Variants in FOXN3 observed in about 807,000 individuals in gnomAD.
FOXN3 encodes the protein forkhead box N3.
In FOXN3, 7 loss-of-function variants were observed where a neutral mutation model predicts 38.4. The observed-to-expected ratio is 0.18, with a 90% confidence interval of 0.10 to 0.34. The LOEUF is 0.34. Among genes scored for constraint, FOXN3 ranks in the 10% least tolerant of loss-of-function variants. The probability of loss-of-function intolerance (pLI) is 1.00; values close to 1 mark genes in which losing one functional copy is unlikely to be tolerated. For synonymous variants in FOXN3, 230 were observed against 242.2 expected, an observed-to-expected ratio of 0.95 and a Z score of 0.47; for missense variants, 456 against 613.4, an observed-to-expected ratio of 0.74 and a Z score of 2.71.
chr14:89,327,153 T>C (rs182196813), intron 3 of FOXN3, among the ~76,000 whole-genome samples: 15 of 152,248 alleles, frequency 9.9e-5, no homozygotes, highest in African/African-American at 4.8e-5. Flanking sequence ...GGGAAACTTA[T>C]TATGACATGC....
intron 1 of FOXN3, among the ~76,000 whole-genome samples, chr14:89,617,992 G>A (rs751814123): frequency 1.3e-5 from 2 of 152,194 alleles, no homozygotes; most frequent in Non-Finnish European, 2.9e-5. Context: ...CCAAGGCAGA[G>A]TCGGCGATCA....
chr14:89,570,466 A>T (rs1895468467), intron 1 of FOXN3, among the ~76,000 whole-genome samples: 1 of 152,064 alleles, frequency 6.6e-6, no homozygotes, highest in African/African-American at 2.4e-5. Context: ...AGCAAACCTC[A>T]TGATGCATTA....
chr14:89,389,499 T>C (rs1170619430), intron 2 of FOXN3, among the ~76,000 whole-genome samples: 1 of 152,186 alleles, frequency 6.6e-6, no homozygotes, highest in Non-Finnish European at 1.5e-5. Flanking sequence ...AATTGATGTG[T>C]TTAGGAGAAT....
intron 3 of FOXN3, among the ~76,000 whole-genome samples, chr14:89,286,530 C>T (rs771506628): frequency 1.4e-4 from 21 of 152,196 alleles, no homozygotes; most frequent in Non-Finnish European, 1.5e-4. Flanking sequence ...ACTGTGATGG[C>T]AATCCCTTCG....
intron 2 of FOXN3, among the ~76,000 whole-genome samples, chr14:89,363,986 ATAATAT>A (rs1165195372): frequency 1.9e-4 from 13 of 67,360 alleles, no homozygotes; most frequent in Admixed American, 1.0e-3. Flanking sequence ...ATATATATAT[ATAATAT>A]ATATATATAT....
intron 4 of FOXN3, among the ~76,000 whole-genome samples, chr14:89,252,648 C>T (rs1885493374): frequency 7.7e-6 from 1 of 129,570 alleles, no homozygotes; most frequent in Non-Finnish European, 1.6e-5. Flanking sequence ...GAGGGAAACT[C>T]TATCTCAAAA....
At chr14:89,304,591 C>T (rs916714449) in intron 3 of FOXN3, among the ~76,000 whole-genome samples, 1 of 151,994 alleles carries the variant, frequency 6.6e-6, no homozygotes, top group Non-Finnish European at 1.5e-5. Context: ...ACATCTTGGC[C>T]ATTCATTTGA....
At chr14:89,616,905 G>A (rs1278747981) in intron 1 of FOXN3, among the ~76,000 whole-genome samples, 1 of 152,168 alleles carries the variant, frequency 6.6e-6, no homozygotes, top group African/African-American at 2.4e-5. Context: ...GGTTGTTGTT[G>A]TAAAATGACC....
At chr14:89,189,072 C>T (rs1596089506) in intron 4 of FOXN3, among the ~76,000 whole-genome samples, 1 of 152,108 alleles carries the variant, frequency 6.6e-6, no homozygotes, top group South Asian at 2.1e-4. Flanking sequence ...GTAATGGCAG[C>T]TCCAGGCAGA....
At chr14:89,452,339 T>C (rs1367060174) in intron 1 of FOXN3, among the ~76,000 whole-genome samples, 3 of 152,086 alleles carry the variant, frequency 2.0e-5, no homozygotes, top group Admixed American at 6.5e-5. Context: ...GGTGCCTGAG[T>C]GGAGCTGCTG....
intron 1 of FOXN3, among the ~76,000 whole-genome samples, chr14:89,506,127 C>G (rs1476542733): frequency 7.6e-6 from 1 of 132,138 alleles, no homozygotes; most frequent in Non-Finnish European, 1.7e-5. Context: ...AGGGGCGCCT[C>G]TGCCCGGCCG....
At chr14:89,198,648 TC>T (rs1272646460) in intron 4 of FOXN3, among the ~76,000 whole-genome samples, 3 of 152,206 alleles carry the variant, frequency 2.0e-5, no homozygotes, top group African/African-American at 2.4e-5. Flanking sequence ...TTTTTGATTG[TC>T]ATGACTGGGT....
chr14:89,208,514 T>A (rs1387662540), intron 4 of FOXN3, among the ~76,000 whole-genome samples: 1 of 152,230 alleles, frequency 6.6e-6, no homozygotes, highest in Non-Finnish European at 1.5e-5. Flanking sequence ...TTTCTGATCA[T>A]TTTTCCACTT....
chr14:89,187,536 T>C (rs1887839131), intron 4 of FOXN3, among the ~76,000 whole-genome samples: 1 of 152,210 alleles, frequency 6.6e-6, no homozygotes, highest in Admixed American at 6.5e-5. Flanking sequence ...TCTCACTTTT[T>C]CCAGGCCTTG....
At chr14:89,451,802 A>T (rs939408941) in intron 1 of FOXN3, among the ~76,000 whole-genome samples, 2 of 152,148 alleles carry the variant, frequency 1.3e-5, no homozygotes, top group African/African-American at 2.4e-5. Flanking sequence ...CCATTTTAAA[A>T]GCTTTTAGAA....
intron 1 of FOXN3, among the ~76,000 whole-genome samples, chr14:89,436,132 C>T (rs527728797): frequency 1.1e-4 from 16 of 151,770 alleles, no homozygotes; most frequent in Admixed American, 5.9e-4. Flanking sequence ...TGTGCCACCG[C>T]GCCCGGCCTG....
At chr14:89,185,265 C>T (rs184300401) in intron 4 of FOXN3, among the ~76,000 whole-genome samples, 182 of 152,338 alleles carry the variant, frequency 1.2e-3, no homozygotes, top group African/African-American at 4.0e-3. Context: ...AACTATACCC[C>T]TGTCTTTCTC....
chr14:89,604,116 A>C (rs1254021679), intron 1 of FOXN3, among the ~76,000 whole-genome samples: 2 of 152,220 alleles, frequency 1.3e-5, no homozygotes, highest in African/African-American at 4.8e-5. Flanking sequence ...TGACAAAAAC[A>C]AATGCAAATT....
At position 89,270,199 on chromosome 14, in the gene FOXN3, A is replaced by G. The variant is rs77738812; in HGVS notation, c.745+10751T>C. On this transcript the variant is annotated intron_variant, in intron 4 of 5. Coordinates refer to ENST00000557258, the MANE Select transcript of FOXN3 (RefSeq NM_005197.4). The stretch of plus-strand genomic sequence containing the variant: ...TCAGGACTCCTATTCCACTCCTTCC[A>G]TGGCCATCCTGTGGGTATTTGCCTT... 4.9e-3 allele frequency among the ~76,000 whole-genome samples: 739 copies of G among 152,326 alleles called. 4 individuals carry two copies. Among genetic ancestry groups the G allele is most frequent in the African/African-American group, 0.016 (680 of 41,574 alleles).
Sources: gnomAD v4.1 joint callset for allele counts (sites outside exome capture counted in the v4.1 genomes callset) on GRCh38, gnomAD v4.1.1 for gene constraint, MANE v1.5 for transcripts, NCBI Gene and HGNC (gene_info 2026-07-23, HGNC 2026-07-21) for gene names.